Variants in GRIA1 observed in about 807,000 individuals in gnomAD.
GRIA1 encodes the protein glutamate ionotropic receptor AMPA type subunit 1.
Under a neutral mutation model 99.2 loss-of-function variants are expected in GRIA1, and 31 were observed. That is an observed-to-expected ratio of 0.31 (90% CI 0.23 to 0.42). The LOEUF is 0.42. Ranked by LOEUF, GRIA1 falls within the 10% of genes least tolerant of loss-of-function variation. The probability of loss-of-function intolerance (pLI) is 1.00; values close to 1 mark genes in which losing one functional copy is unlikely to be tolerated. For missense variants in GRIA1, 782 were observed against 1,157.5 expected, an observed-to-expected ratio of 0.68 and a Z score of 4.71; for synonymous variants, 438 against 432.4, an observed-to-expected ratio of 1.01 and a Z score of -0.16.
At chr5:153,701,633 A>AAAAAAAAAAAAAAAAAAAAAAAAAAC (rs1758532800) in intron 10 of GRIA1, among the ~76,000 whole-genome samples, 1 of 148,784 alleles carries the variant, frequency 6.7e-6, no homozygotes, top group African/African-American at 2.5e-5. Flanking sequence ...AAAAAAAAAA[A>AAAAAAAAAAAAAAAAAAAAAAAAAAC]AAAAAAAAAT....
intron 2 of GRIA1, among the ~76,000 whole-genome samples, chr5:153,511,849 G>A (rs111452405): frequency 2.6e-5 from 4 of 152,230 alleles, no homozygotes; most frequent in East Asian, 3.9e-4. Flanking sequence ...TGGCAGACTC[G>A]GGGGAGGCAC....
chr5:153,656,414 T>TATATATATATATATATATATATATATA (rs1754968532), intron 5 of GRIA1, among the ~76,000 whole-genome samples: 6 of 146,920 alleles, frequency 4.1e-5, no homozygotes, highest in South Asian at 2.2e-4. Context: ...TATATATATA[T>TATATATATATATATATATATATATATA]TTGTTTTAAT....
At position 153,677,042 on chromosome 5, in the gene GRIA1, T is replaced by A; in HGVS notation, c.910T>A (p.Phe304Ile). ...YDGVKVMAEAFQSLRRQRIDI... is the reference protein window; with the variant it reads ...YDGVKVMAEAIQSLRRQRIDI... ...TGGGGTGAAGGTGATGGCTGAGGCT[T>A]TCCAGAGCCTGCGGAGGCAGAGAAT... The change falls in exon 7 of 16, where the codon TTC becomes ATC. Residue 304 changes from phenylalanine to isoleucine, a missense_variant. Transcript: ENST00000285900. 6.4e-7 allele frequency: 1 copy of A among 1,570,002 alleles called. No individual in the cohort carries two copies. Among genetic ancestry groups the A allele is most frequent in the East Asian group, 2.3e-5 (1 of 42,598 alleles).
intron 2 of GRIA1, among the ~76,000 whole-genome samples, chr5:153,615,961 A>C (rs1766458598): frequency 6.6e-6 from 1 of 152,158 alleles, no homozygotes; most frequent in Admixed American, 6.6e-5. Context: ...TCTGTGGGTG[A>C]GGCATACTAG....
At chr5:153,687,414 T>C (rs1561768480) in intron 8 of GRIA1, among the ~76,000 whole-genome samples, 1 of 152,180 alleles carries the variant, frequency 6.6e-6, no homozygotes, top group Non-Finnish European at 1.5e-5. Context: ...CATAGGGTCA[T>C]TGAGAGGATT....
chr5:153,743,163 T>C (rs1025670911), intron 11 of GRIA1, among the ~76,000 whole-genome samples: 1 of 152,140 alleles, frequency 6.6e-6, no homozygotes, highest in Non-Finnish European at 1.5e-5. Context: ...GCTAAAATGA[T>C]AGATTAGGAA....
chr5:153,807,090 T>C (rs1766482188), intron 15 of GRIA1, among the ~76,000 whole-genome samples: 1 of 152,212 alleles, frequency 6.6e-6, no homozygotes, highest in African/African-American at 2.4e-5. Flanking sequence ...GCTCTACCCT[T>C]CAGTTCCCCT....
At chr5:153,675,157 C>T (rs1182917332) in intron 6 of GRIA1, among the ~76,000 whole-genome samples, 1 of 152,276 alleles carries the variant, frequency 6.6e-6, no homozygotes, top group Middle Eastern at 3.4e-3. Context: ...GGAAAACTAC[C>T]CCCAGTTGGC....
At chr5:153,534,727 T>C (rs186463923) in intron 2 of GRIA1, among the ~76,000 whole-genome samples, 1 of 152,332 alleles carries the variant, frequency 6.6e-6, no homozygotes, top group East Asian at 1.9e-4. Flanking sequence ...AGGCATTTTC[T>C]TGGCCATCTA....
intron 2 of GRIA1, among the ~76,000 whole-genome samples, chr5:153,590,503 G>A (rs1763869710): frequency 7.5e-6 from 1 of 133,142 alleles, no homozygotes; most frequent in African/African-American, 3.1e-5. Context: ...ACAAGCTATT[G>A]AAATGTGTGT....
At chr5:153,604,816 AG>A (rs1172285188) in intron 2 of GRIA1, among the ~76,000 whole-genome samples, 3 of 152,226 alleles carry the variant, frequency 2.0e-5, no homozygotes, top group Admixed American at 2.0e-4. Flanking sequence ...ACTGTATTAA[AG>A]TTAACAGTTT....
intron 2 of GRIA1, among the ~76,000 whole-genome samples, chr5:153,552,139 T>C (rs1318569756): frequency 6.6e-6 from 1 of 151,920 alleles, no homozygotes; most frequent in Non-Finnish European, 1.5e-5. Flanking sequence ...ATTTTATGTG[T>C]AGCATAACTT....
chr5:153,578,994 T>C (rs1312858705), intron 2 of GRIA1, among the ~76,000 whole-genome samples: 1 of 149,826 alleles, frequency 6.7e-6, no homozygotes, highest in Non-Finnish European at 1.5e-5. Context: ...AAACAAGGAT[T>C]AAACTACTGA....
chr5:153,682,716 A>T (rs1347132163), intron 7 of GRIA1, among the ~76,000 whole-genome samples: 1 of 152,152 alleles, frequency 6.6e-6, no homozygotes, highest in Non-Finnish European at 1.5e-5. Context: ...CCCATGCTCT[A>T]TTCAGAGTTG....
intron 2 of GRIA1, among the ~76,000 whole-genome samples, chr5:153,635,275 G>A (rs945690983): frequency 1.3e-5 from 2 of 152,178 alleles, no homozygotes; most frequent in African/African-American, 4.8e-5. Context: ...TGATTTACCT[G>A]GTGTTCCTTG....
At position 153,610,809 on chromosome 5, in the gene GRIA1, T is replaced by C. The variant is rs183656348; in HGVS notation, c.221-36119T>C. ...AGTATCTAGAACAGTGTCTGGCACA[T>C]GGAAAAACTCAAATAAAAATAGCTA... On this transcript the variant is annotated intron_variant, in intron 2 of 15. Coordinates refer to ENST00000285900, the MANE Select transcript of GRIA1 (RefSeq NM_000827.4). Among the ~76,000 whole-genome samples the C allele has an allele frequency of 6.6e-4, 101 of 152,322 alleles. 1 individual carries two copies. Among genetic ancestry groups the C allele is most frequent in the African/African-American group, 2.4e-3 (99 of 41,572 alleles).
At chr5:153,617,713 T>C (rs1766640295) in intron 2 of GRIA1, among the ~76,000 whole-genome samples, 1 of 152,206 alleles carries the variant, frequency 6.6e-6, no homozygotes, top group Non-Finnish European at 1.5e-5. Flanking sequence ...AGGCCACACC[T>C]CTAATCTCAT....
intron 2 of GRIA1, among the ~76,000 whole-genome samples, chr5:153,644,558 G>T (rs1023308379): frequency 3.9e-5 from 6 of 152,128 alleles, no homozygotes; most frequent in African/African-American, 1.4e-4. Flanking sequence ...GCACAAAGAA[G>T]CATGTCCTAA....
At chr5:153,809,059 T>C (rs902649905) in intron 15 of GRIA1, among the ~76,000 whole-genome samples, 1 of 152,240 alleles carries the variant, frequency 6.6e-6, no homozygotes, top group African/African-American at 2.4e-5. Flanking sequence ...GTGATCTGTG[T>C]AAACTTTAGT....
Sources: gnomAD v4.1 joint callset for allele counts (sites outside exome capture counted in the v4.1 genomes callset) on GRCh38, gnomAD v4.1.1 for gene constraint, MANE v1.5 for transcripts, NCBI Gene and HGNC (gene_info 2026-07-23, HGNC 2026-07-21) for gene names.